CSMD1: variants seen among roughly 807,000 people sequenced by gnomAD.
CSMD1 encodes the protein CUB and Sushi multiple domains 1.
CSMD1 carries 213 observed loss-of-function variants against 417.5 expected under a neutral mutation model. That is an observed-to-expected ratio of 0.51 (90% confidence interval 0.46 to 0.57). The LOEUF is 0.57. Among genes scored for constraint, CSMD1 ranks in the 20% least tolerant of loss-of-function variants. The pLI is 0.00. For synonymous variants in CSMD1, 2,862 were observed against 1,736.8 expected (o/e 1.65, Z -16.11); for missense variants, 6,923 against 4,529.7 (o/e 1.53, Z -15.17).
At chr8:4,932,552 G>A (rs940757407) in intron 1 of CSMD1, among the ~76,000 whole-genome samples, 1 of 152,108 alleles carries the variant, frequency 6.6e-6, no homozygotes, top group African/African-American at 2.4e-5. Context: ...AATAAAGCTT[G>A]TGACGTGTGC....
At chr8:4,905,473 A>C (rs1805182161) in intron 1 of CSMD1, among the ~76,000 whole-genome samples, 1 of 152,116 alleles carries the variant, frequency 6.6e-6, no homozygotes, top group Non-Finnish European at 1.5e-5. Context: ...AGGCATTCTA[A>C]AACAGGACAC....
intron 2 of CSMD1, among the ~76,000 whole-genome samples, chr8:4,629,208 A>C (rs901082539): frequency 2.6e-5 from 4 of 152,206 alleles, no homozygotes; most frequent in Admixed American, 6.5e-5. Context: ...TTCTGAATGA[A>C]AAGTTTGTAC....
intron 26 of CSMD1, among the ~76,000 whole-genome samples, chr8:3,265,526 C>T (rs772544052): frequency 1.3e-5 from 2 of 152,038 alleles, no homozygotes; most frequent in East Asian, 3.9e-4. Context: ...GGGAGTGAGT[C>T]TTAGAGAGAG....
At chr8:3,243,153 G>A (rs1799654195) in intron 26 of CSMD1, among the ~76,000 whole-genome samples, 1 of 152,172 alleles carries the variant, frequency 6.6e-6, no homozygotes, top group Admixed American at 6.5e-5. Flanking sequence ...GGTTGGAGAA[G>A]AGAGTAAGAG....
intron 23 of CSMD1, among the ~76,000 whole-genome samples, chr8:3,310,370 A>T (rs570291786): frequency 2.5e-4 from 38 of 152,336 alleles, no homozygotes; most frequent in African/African-American, 8.2e-4. Context: ...AAGTGACAGC[A>T]TCTGAACAAG....
rs143520707 is a variant in CSMD1 at position 4,459,384 on chromosome 8, A to G, written c.303-39319T>C. Among the ~76,000 whole-genome samples the G allele has an allele frequency of 5.6e-3, 855 of 152,326 alleles. 6 individuals carry two copies. The highest frequency in any genetic ancestry group is 0.019 in the African/African-American group (803 of 41,582). ...CCCGTGGTTTACTCATGAAACAAGA[A>G]TGTCAGTCCAGCAGAAGCTGAGAGT... On this transcript the variant is annotated intron_variant, in intron 2 of 69. Coordinates refer to ENST00000635120, the MANE Select transcript of CSMD1 (RefSeq NM_033225.6).
At chr8:3,499,557 G>T (rs1196789332) in intron 10 of CSMD1, among the ~76,000 whole-genome samples, 1 of 152,196 alleles carries the variant, frequency 6.6e-6, no homozygotes. Flanking sequence ...TTGGTCTCCT[G>T]CAAGAGGCAT....
At chr8:3,798,780 ATTT>A (rs1408789344) in intron 5 of CSMD1, among the ~76,000 whole-genome samples, 1 of 152,056 alleles carries the variant, frequency 6.6e-6, no homozygotes, top group Admixed American at 6.6e-5. Flanking sequence ...CTATGTTTGT[ATTT>A]AATTATGGGA....
chr8:4,439,499 G>A (rs905156192), intron 2 of CSMD1, among the ~76,000 whole-genome samples: 4 of 151,892 alleles, frequency 2.6e-5, no homozygotes, highest in Non-Finnish European at 4.4e-5. Flanking sequence ...CGAACAAGCT[G>A]AGATAGCTAT....
chr8:4,025,116 G>A (rs1458876374), intron 4 of CSMD1, among the ~76,000 whole-genome samples: 2 of 152,204 alleles, frequency 1.3e-5, no homozygotes, highest in African/African-American at 4.8e-5. Context: ...ACACCGAAGG[G>A]GCTGCAAGAG....
At chr8:3,871,260 C>T (rs893016719) in intron 5 of CSMD1, among the ~76,000 whole-genome samples, 5 of 151,890 alleles carry the variant, frequency 3.3e-5, no homozygotes, top group African/African-American at 1.2e-4. Flanking sequence ...CTTAATAATG[C>T]CAAATTACTC....
intron 2 of CSMD1, among the ~76,000 whole-genome samples, chr8:4,509,425 GAATT>G (rs1802701671): frequency 6.6e-6 from 1 of 152,118 alleles, no homozygotes. Context: ...GAAATGTAAA[GAATT>G]AATTAAAGAA....
intron 36 of CSMD1, 36 bp downstream of exon 36, chr8:3,187,833 T>G: frequency 6.6e-7 from 1 of 1,507,906 alleles, no homozygotes; most frequent in Non-Finnish European, 9.2e-7. Context: ...TTGCAGATTT[T>G]GAGTCACACA....
chr8:4,925,139 T>C (rs1423121258), intron 1 of CSMD1, among the ~76,000 whole-genome samples: 1 of 150,754 alleles, frequency 6.6e-6, no homozygotes, highest in Non-Finnish European at 1.5e-5. Flanking sequence ...GTTTAGTCCC[T>C]GAGCAGCAGA....
chr8:4,008,894 G>A (rs1816340781), intron 4 of CSMD1, among the ~76,000 whole-genome samples: 1 of 152,088 alleles, frequency 6.6e-6, no homozygotes, highest in Non-Finnish European at 1.5e-5. Context: ...ACAGGCGTGA[G>A]CCACCGCGCC....
At chr8:3,945,134 C>G (rs544185400) in intron 5 of CSMD1, among the ~76,000 whole-genome samples, 8 of 129,824 alleles carry the variant, frequency 6.2e-5, no homozygotes, top group Non-Finnish European at 1.1e-4. Context: ...GTAAGTGATA[C>G]ACAATTTGAA....
At chr8:4,447,601 A>G (rs780745529) in intron 2 of CSMD1, among the ~76,000 whole-genome samples, 4 of 152,242 alleles carry the variant, frequency 2.6e-5, no homozygotes, top group African/African-American at 9.6e-5. Flanking sequence ...CTTTCATGTA[A>G]TACTTCCCAC....
At chr8:4,985,878 G>A (rs1228560832) in intron 1 of CSMD1, among the ~76,000 whole-genome samples, 4 of 152,082 alleles carry the variant, frequency 2.6e-5, no homozygotes, top group Admixed American at 6.6e-5. Context: ...TATGAAGAAA[G>A]GGGAAAAGAG....
At chr8:4,445,530 A>G (rs906229109) in intron 2 of CSMD1, among the ~76,000 whole-genome samples, 6 of 152,120 alleles carry the variant, frequency 3.9e-5, no homozygotes, top group African/African-American at 1.2e-4. Flanking sequence ...TTTTGTTTTC[A>G]TTTGGGTAGC....
Sources: allele counts gnomAD v4.1 joint callset (sites outside exome capture counted in the v4.1 genomes callset), GRCh38; gene constraint gnomAD v4.1.1; transcripts MANE v1.5; gene names NCBI Gene and HGNC (gene_info 2026-07-23, HGNC 2026-07-21).